Variants in PDE11A observed in about 807,000 individuals in gnomAD.
PDE11A encodes phosphodiesterase 11A, also known as dual 3',5'-cyclic-AMP and -GMP phosphodiesterase 11A.
A neutral mutation model predicts 100.5 loss-of-function variants in PDE11A; 100 were observed. The ratio of observed to expected loss-of-function variants is 1.00; its 90% CI spans 0.85 to 1.18. PDE11A has a LOEUF of 1.18. PDE11A is among the 50% of genes most tolerant of loss of function. PDE11A has a pLI of 0.00. For missense variants in PDE11A, 1,141 were observed against 1,152.6 expected (o/e 0.99, Z 0.15); for synonymous variants, 381 against 420.8 (o/e 0.91, Z 1.16).
chr2:177,949,143 T>A (rs1208140616), intron 2 of PDE11A, among the ~76,000 whole-genome samples: 5 of 152,188 alleles, frequency 3.3e-5, no homozygotes, highest in Admixed American at 2.0e-4. Flanking sequence ...AATTTCAGTC[T>A]CATTCCTGCC....
At chr2:177,749,579 C>T (rs1267467555) in intron 10 of PDE11A, among the ~76,000 whole-genome samples, 2 of 151,974 alleles carry the variant, frequency 1.3e-5, no homozygotes, top group Non-Finnish European at 2.9e-5. Context: ...TGTCGGTGGG[C>T]CATACTCCAG....
intron 15 of PDE11A, among the ~76,000 whole-genome samples, chr2:177,684,044 G>T (rs138503673): frequency 6.6e-6 from 1 of 152,206 alleles, no homozygotes; most frequent in Non-Finnish European, 1.5e-5. Flanking sequence ...ATACAAATTG[G>T]ACTAACTGGA....
At chr2:177,699,166 A>T (rs761556112) in intron 14 of PDE11A, among the ~76,000 whole-genome samples, 1 of 152,198 alleles carries the variant, frequency 6.6e-6, no homozygotes, top group Non-Finnish European at 1.5e-5. Flanking sequence ...ACACAAAACT[A>T]GATGATACAG....
At chr2:178,097,419 G>A (rs1348546434) in intron 2 of PDE11A, among the ~76,000 whole-genome samples, 1 of 152,208 alleles carries the variant, frequency 6.6e-6, no homozygotes, top group Non-Finnish European at 1.5e-5. Context: ...TGGCAGGAGA[G>A]AGAAGTGTGA....
At chr2:177,792,323 T>C (rs2082644717) in intron 9 of PDE11A, among the ~76,000 whole-genome samples, 1 of 152,216 alleles carries the variant, frequency 6.6e-6, no homozygotes, top group Non-Finnish European at 1.5e-5. Flanking sequence ...GAAACCACTA[T>C]AATATGTGCC....
chr2:177,794,487 CA>C (rs1206141294), intron 9 of PDE11A, among the ~76,000 whole-genome samples: 1 of 152,110 alleles, frequency 6.6e-6, no homozygotes, highest in African/African-American at 2.4e-5. Context: ...GGGATAAAAA[CA>C]AATTTCCCAG....
intron 1 of PDE11A, among the ~76,000 whole-genome samples, chr2:178,069,593 A>G (rs2087098306): frequency 6.6e-6 from 1 of 152,042 alleles, no homozygotes; most frequent in African/African-American, 2.4e-5. Context: ...AAGGGAAAAA[A>G]AAAAACTCCT....
intron 10 of PDE11A, among the ~76,000 whole-genome samples, chr2:177,764,655 T>C (rs778870443): frequency 4.6e-5 from 7 of 152,230 alleles, no homozygotes; most frequent in Non-Finnish European, 8.8e-5. Flanking sequence ...TTATACATTA[T>C]TCCTGTTAGC....
chr2:177,986,450 G>A (rs10497477), intron 2 of PDE11A, among the ~76,000 whole-genome samples: 9,537 of 152,222 alleles, frequency 0.063, 309 homozygotes, highest in South Asian at 0.093. Context: ...AATATCCATA[G>A]TGATTAAGGA....
At chr2:178,027,950 G>A (rs1306072163) in intron 1 of PDE11A, among the ~76,000 whole-genome samples, 2 of 152,100 alleles carry the variant, frequency 1.3e-5, no homozygotes, top group Admixed American at 6.6e-5. Context: ...TATTAAACCA[G>A]TAAATATAAG....
chr2:177,994,295 C>G (rs2086042487), intron 2 of PDE11A, among the ~76,000 whole-genome samples: 1 of 152,104 alleles, frequency 6.6e-6, no homozygotes, highest in Admixed American at 6.5e-5. Flanking sequence ...AGAGAGTAAA[C>G]ATAAAAAGCT....
chr2:177,640,933 A>G (rs1468108581), intron 19 of PDE11A, among the ~76,000 whole-genome samples: 1 of 152,166 alleles, frequency 6.6e-6, no homozygotes, highest in African/African-American at 2.4e-5. Flanking sequence ...AGTCCTGTCA[A>G]TCCCACTTCC....
intron 12 of PDE11A, among the ~76,000 whole-genome samples, chr2:177,725,696 A>G (rs569272988): frequency 1.3e-5 from 2 of 152,206 alleles, no homozygotes; most frequent in South Asian, 2.1e-4. Flanking sequence ...ATTCTCTTCA[A>G]TTTCTTGGAA....
chr2:178,038,026 C>T (rs1424031969), intron 1 of PDE11A, among the ~76,000 whole-genome samples: 1 of 144,110 alleles, frequency 6.9e-6, no homozygotes, highest in Non-Finnish European at 1.5e-5. Flanking sequence ...TATCCTAGAA[C>T]TTAAAGTATA....
At chr2:177,819,582 A>C (rs540880297) in intron 7 of PDE11A, among the ~76,000 whole-genome samples, 1 of 151,998 alleles carries the variant, frequency 6.6e-6, no homozygotes, top group Non-Finnish European at 1.5e-5. Flanking sequence ...AGGAGAATGG[A>C]GGAAGAGAAA....
intron 2 of PDE11A, among the ~76,000 whole-genome samples, chr2:178,097,772 T>A (rs2087513759): frequency 6.6e-6 from 1 of 152,176 alleles, no homozygotes; most frequent in Non-Finnish European, 1.5e-5. Context: ...ACTCTAGCTA[T>A]CAGCTCTAAG....
intron 2 of PDE11A, among the ~76,000 whole-genome samples, chr2:177,916,154 C>T (rs1186677435): frequency 3.9e-5 from 6 of 152,160 alleles, no homozygotes; most frequent in African/African-American, 7.2e-5. Flanking sequence ...GTTATATTCC[C>T]GGGTTCAGTC....
In PDE11A at chr2:177,820,312, A is replaced by G. The variant is rs745817816; in HGVS notation, c.1501-17T>C. On this transcript the variant is annotated splice_polypyrimidine_tract_variant and intron_variant, in intron 6 of 19. Transcript: ENST00000286063. The stretch of plus-strand genomic sequence containing the variant: ...CTGGTCTGCCTAGGAAACAAGAAAG[A>G]AGTTAATTAAAATTGAATATTAACT... The G allele has an allele frequency of 5.6e-6, 8 of 1,419,486 alleles. No individual in the cohort carries two copies. In the African/African-American group the frequency reaches 9.8e-5, roughly 17 times the overall value. The allele number at this position is 1,419,486 out of a possible 1,614,324, so 87.9% of individuals were successfully genotyped here.
chr2:177,889,515 C>T (rs1339555185), intron 4 of PDE11A, among the ~76,000 whole-genome samples: 1 of 151,492 alleles, frequency 6.6e-6, no homozygotes, highest in Non-Finnish European at 1.5e-5. Flanking sequence ...TTGCCATGTT[C>T]TCTTTAGAGT....
Sources: allele counts gnomAD v4.1 joint callset (sites outside exome capture counted in the v4.1 genomes callset), GRCh38; gene constraint gnomAD v4.1.1; transcripts MANE v1.5; gene names NCBI Gene and HGNC (gene_info 2026-07-23, HGNC 2026-07-21).